Variants in PDE1C observed in about 807,000 individuals in gnomAD.
PDE1C encodes the protein dual specificity calcium/calmodulin-dependent 3',5'-cyclic nucleotide phosphodiesterase 1C.
In PDE1C, 62 loss-of-function variants were observed where a neutral mutation model predicts 93.1. The ratio of observed to expected loss-of-function variants is 0.67; its 90% confidence interval spans 0.54 to 0.82. PDE1C has a LOEUF of 0.82. Ranked by LOEUF, PDE1C falls within the 40% of genes least tolerant of loss-of-function variation. The pLI is 0.00. For synonymous variants in PDE1C, 325 were observed against 310.1 expected (o/e 1.05, Z -0.50); for missense variants, 742 against 884.6 (o/e 0.84, Z 2.04).
At chr7:32,378,954 CA>C (rs1394551399) in intron 1 of PDE1C, among the ~76,000 whole-genome samples, 41 of 152,220 alleles carry the variant, frequency 2.7e-4, no homozygotes, top group African/African-American at 9.6e-4. Flanking sequence ...AATAACCTAT[CA>C]GGCAGTTACA....
chr7:31,860,394 A>G (rs1034972178), intron 7 of PDE1C, among the ~76,000 whole-genome samples: 2 of 152,206 alleles, frequency 1.3e-5, no homozygotes, highest in African/African-American at 4.8e-5. Context: ...CCTGCTCTAC[A>G]TCCTAACCAA....
chr7:32,053,815 A>C (rs1013328733), intron 1 of PDE1C, among the ~76,000 whole-genome samples: 1 of 152,100 alleles, frequency 6.6e-6, no homozygotes, highest in African/African-American at 2.4e-5. Context: ...TAATCCTCAT[A>C]ACTCTGTAGG....
chr7:32,193,299 C>T (rs914575289), intron 2 of PDE1C, among the ~76,000 whole-genome samples: 1 of 152,014 alleles, frequency 6.6e-6, no homozygotes, highest in African/African-American at 2.4e-5. Context: ...TGTAGATCTT[C>T]CTTATCAAGT....
At chr7:32,098,671 G>T (rs1043634991) in intron 3 of PDE1C, among the ~76,000 whole-genome samples, 25 of 152,162 alleles carry the variant, frequency 1.6e-4, no homozygotes, top group African/African-American at 6.0e-4. Context: ...CAAAGTTTTT[G>T]TTTTGTTGGA....
chr7:31,898,247 GT>G lies in PDE1C; in HGVS notation c.129-17388del, dbSNP rs1265682207. ...ATTTTTAAAAGAATCTATGGTTATTGTGGGAAATTTATAAAATACCTATTAG... is the reference window on the plus strand; with the variant it reads ...ATTTTTAAAAGAATCTATGGTTATTGGGGAAATTTATAAAATACCTATTAG... On this transcript the variant is annotated intron_variant, in intron 2 of 17. Transcript: ENST00000396191. Among the ~76,000 whole-genome samples, 3 of 152,120 alleles carry G rather than the reference GT, an allele frequency of 2.0e-5. No individual in the cohort carries two copies. The East Asian group carries it at 5.8e-4, about 29-fold the overall frequency.
the PDE1C span, among the ~76,000 whole-genome samples, chr7:31,712,420 G>A: frequency 1.5e-4 from 23 of 152,226 alleles, no homozygotes; most frequent in Non-Finnish European, 2.6e-4. Flanking sequence ...CTATGGAGCC[G>A]AACACAAATG....
intron 2 of PDE1C, among the ~76,000 whole-genome samples, chr7:32,030,634 G>A (rs1790188383): frequency 6.6e-6 from 1 of 152,058 alleles, no homozygotes; most frequent in Admixed American, 6.6e-5. Context: ...GTACAGGAAG[G>A]ACTTTCTGAT....
At chr7:32,142,502 T>C (rs1469417340) in intron 3 of PDE1C, among the ~76,000 whole-genome samples, 1 of 152,162 alleles carries the variant, frequency 6.6e-6, no homozygotes, top group African/African-American at 2.4e-5. Flanking sequence ...CCCACTTTCT[T>C]GTCCAGGGCC....
intron 2 of PDE1C, among the ~76,000 whole-genome samples, chr7:31,961,389 T>A (rs562743994): frequency 6.6e-6 from 1 of 152,230 alleles, no homozygotes; most frequent in East Asian, 1.9e-4. Flanking sequence ...GTAAAATATA[T>A]AAAGTATAAT....
chr7:32,255,917 C>A (rs893621389), intron 1 of PDE1C, among the ~76,000 whole-genome samples: 6 of 152,042 alleles, frequency 3.9e-5, no homozygotes, highest in African/African-American at 1.2e-4. Flanking sequence ...GAGGACACAT[C>A]GAATGTCTAA....
chr7:32,337,875 G>A (rs188792639), intron 1 of PDE1C, among the ~76,000 whole-genome samples: 238 of 152,278 alleles, frequency 1.6e-3, no homozygotes, highest in South Asian at 0.011. Flanking sequence ...GCAAGCAAAC[G>A]AGGCAGCGGA....
chr7:31,845,552 T>C (rs1792458483), intron 9 of PDE1C, among the ~76,000 whole-genome samples: 1 of 151,954 alleles, frequency 6.6e-6, no homozygotes, highest in Non-Finnish European at 1.5e-5. Context: ...AGGGAAGGCA[T>C]AGCATTAGGA....
At chr7:31,950,507 A>G (rs1807219587) in intron 2 of PDE1C, among the ~76,000 whole-genome samples, 2 of 152,192 alleles carry the variant, frequency 1.3e-5, no homozygotes, top group African/African-American at 4.8e-5. Context: ...TTACTGCCAC[A>G]ACGCTAACCA....
At chr7:31,731,484 C>T in the PDE1C span, among the ~76,000 whole-genome samples, 17 of 152,166 alleles carry the variant, frequency 1.1e-4, no homozygotes, top group Admixed American at 6.5e-4. Flanking sequence ...TCCGCCTCCC[C>T]GGTTCAAATG....
chr7:31,736,592 C>T, the PDE1C span, among the ~76,000 whole-genome samples: 4 of 152,214 alleles, frequency 2.6e-5, no homozygotes, highest in Non-Finnish European at 4.4e-5. Flanking sequence ...AAAATTGTCA[C>T]ATTGCAGTTG....
chr7:32,250,588 T>A (rs1422025486), intron 1 of PDE1C, among the ~76,000 whole-genome samples: 1 of 152,174 alleles, frequency 6.6e-6, no homozygotes, highest in Non-Finnish European at 1.5e-5. Flanking sequence ...CAGTGCTGTC[T>A]CTCTAATGTC....
chr7:32,208,513 TTAATG>T (rs1805775239), intron 2 of PDE1C, among the ~76,000 whole-genome samples: 1 of 151,396 alleles, frequency 6.6e-6, no homozygotes, highest in African/African-American at 2.4e-5. Flanking sequence ...AAAAAAAAAA[TTAATG>T]TAACAATGTC....
At chr7:32,372,520 A>C (rs1156324231) in intron 1 of PDE1C, among the ~76,000 whole-genome samples, 2 of 152,242 alleles carry the variant, frequency 1.3e-5, no homozygotes, top group Non-Finnish European at 2.9e-5. Context: ...TGTAAAAGCT[A>C]CAACTACAAA....
chr7:32,075,726 C>T (rs1796312658), upstream of PDE1C, among the ~76,000 whole-genome samples: 2 of 152,064 alleles, frequency 1.3e-5, no homozygotes, highest in African/African-American at 2.4e-5. Flanking sequence ...AGTGAGAAGA[C>T]AAAGAGATAG....
Sources: gnomAD v4.1 joint callset for allele counts (sites outside exome capture counted in the v4.1 genomes callset) on GRCh38, gnomAD v4.1.1 for gene constraint, MANE v1.5 for transcripts, NCBI Gene and HGNC (gene_info 2026-07-23, HGNC 2026-07-21) for gene names.